PRKN: variants seen among roughly 807,000 people sequenced by gnomAD.
PRKN encodes the protein E3 ubiquitin-protein ligase parkin.
PRKN carries 56 observed loss-of-function variants against 59.5 expected under a neutral mutation model. The observed-to-expected ratio is 0.94, with a 90% CI of 0.76 to 1.18. PRKN has a LOEUF of 1.18. Among genes scored for constraint, PRKN ranks in the 50% most tolerant of loss-of-function variants. The pLI, the probability that PRKN is intolerant of heterozygous loss-of-function variation, is 0.00. For missense variants in PRKN, 657 were observed against 596.4 expected (o/e 1.10, Z -1.06); for synonymous variants, 250 against 222.1 (o/e 1.13, Z -1.12).
intron 4 of PRKN, among the ~76,000 whole-genome samples, chr6:162,194,693 T>C (rs188718956): frequency 2.6e-4 from 39 of 152,288 alleles, no homozygotes; most frequent in Non-Finnish European, 5.9e-5. Context: ...TAATCCTTTT[T>C]TATATGTTTA....
At chr6:161,507,728 T>G (rs1472890827) in intron 9 of PRKN, among the ~76,000 whole-genome samples, 1 of 152,228 alleles carries the variant, frequency 6.6e-6, no homozygotes, top group Non-Finnish European at 1.5e-5. Flanking sequence ...TCTGTCAATT[T>G]AATCCCATTT....
chr6:161,612,280 T>A (rs1170792079), intron 7 of PRKN, among the ~76,000 whole-genome samples: 2 of 152,202 alleles, frequency 1.3e-5, no homozygotes, highest in Non-Finnish European at 2.9e-5. Context: ...GAGCCTTCTA[T>A]TGGAAGAAGA....
rs1777868751 is a variant in PRKN at position 162,056,382 on chromosome 6, C to A, written c.535-2208G>T. On this transcript the variant is annotated intron_variant, in intron 4 of 11. Transcript: ENST00000366898. The surrounding 1 kb of genome is among the most constrained non-coding windows in gnomAD (Gnocchi z 4.9). ...TACTACATACACTCACACACTCATGCATGCACACACGCACTATTCTAGAGA... is the reference window on the plus strand; with the variant it reads ...TACTACATACACTCACACACTCATGAATGCACACACGCACTATTCTAGAGA... Among the ~76,000 whole-genome samples, 1 of 151,942 alleles carries A rather than the reference C, an allele frequency of 6.6e-6. No homozygotes were observed. Among genetic ancestry groups the A allele is most frequent in the East Asian group, 1.9e-4 (1 of 5,180 alleles).
At chr6:162,052,591 C>T (rs576498769) in intron 5 of PRKN, among the ~76,000 whole-genome samples, 129 of 152,272 alleles carry the variant, frequency 8.5e-4, no homozygotes, top group African/African-American at 3.0e-3. Flanking sequence ...ACTCTCAGCC[C>T]AGTACCCAGG....
At chr6:161,742,044 G>A (rs113514025) in intron 7 of PRKN, among the ~76,000 whole-genome samples, 1,648 of 151,972 alleles carry the variant, frequency 0.011, 26 homozygotes, top group African/African-American at 0.038. Context: ...ATCTTGGCAC[G>A]CTGCAACCTC....
intron 7 of PRKN, among the ~76,000 whole-genome samples, chr6:161,741,429 G>T (rs1788179343): frequency 6.6e-6 from 1 of 152,206 alleles, no homozygotes; most frequent in South Asian, 2.1e-4. Flanking sequence ...GAAGGTGGCT[G>T]CCTTGTACCG....
rs188648853 is a variant in PRKN, at chr6:162,194,114, T to C, written c.534+7017A>G. 2.3e-3 allele frequency among the ~76,000 whole-genome samples: 350 copies of C among 152,306 alleles called. 2 individuals carry two copies. The highest frequency in any genetic ancestry group is 7.7e-3 in the African/African-American group (322 of 41,568). On this transcript the variant is annotated intron_variant, in intron 4 of 11. Coordinates refer to ENST00000366898, the MANE Select transcript of PRKN (RefSeq NM_004562.3). ...TCGGTATAAGCCAAGAGTTCCCATA[T>C]GGAATTTTGAAGTTTAGGTTATATT...
chr6:161,819,322 C>A (rs1034339315), intron 6 of PRKN, among the ~76,000 whole-genome samples: 6 of 152,122 alleles, frequency 3.9e-5, no homozygotes, highest in African/African-American at 1.4e-4. Context: ...GAAACCCTAT[C>A]TCTACTAAAA....
intron 9 of PRKN, among the ~76,000 whole-genome samples, chr6:161,539,827 T>C (rs1359809376): frequency 6.6e-6 from 1 of 152,190 alleles, no homozygotes; most frequent in Non-Finnish European, 1.5e-5. Flanking sequence ...GGATCCCCTT[T>C]TCATGCTGTC....
At chr6:161,927,854 G>A (rs1434782696) in intron 6 of PRKN, among the ~76,000 whole-genome samples, 1 of 151,946 alleles carries the variant, frequency 6.6e-6, no homozygotes, top group Non-Finnish European at 1.5e-5. Context: ...AAGAACTTTA[G>A]ATAAAGTTAC....
At chr6:162,124,056 A>G (rs1286747431) in intron 4 of PRKN, among the ~76,000 whole-genome samples, 1 of 152,130 alleles carries the variant, frequency 6.6e-6, no homozygotes, top group Non-Finnish European at 1.5e-5. Flanking sequence ...TCCCAGAAGC[A>G]GCACTTAGTC....
chr6:161,611,932 G>A (rs1291691277), intron 7 of PRKN, among the ~76,000 whole-genome samples: 1 of 152,150 alleles, frequency 6.6e-6, no homozygotes, highest in Non-Finnish European at 1.5e-5. Context: ...TGATAAGAAA[G>A]CAAACAGCCT....
intron 5 of PRKN, among the ~76,000 whole-genome samples, chr6:161,975,085 CTTTTTTTTTTT>C (rs769121865): frequency 3.2e-5 from 4 of 124,476 alleles, no homozygotes; most frequent in African/African-American, 1.2e-4. Context: ...ACATATACTT[CTTTTTTTTTTT>C]TTTTTTTTTT....
chr6:161,566,050 G>C lies in PRKN; in HGVS notation c.933+3305C>G, dbSNP rs1241476473. ...ACTGAATCATTACCATCAGTACATA[G>C]ACATGCTGCAATTTTTCCCATTAAG... On this transcript the variant is annotated intron_variant, in intron 8 of 11. Coordinates refer to ENST00000366898, the MANE Select transcript of PRKN (RefSeq NM_004562.3). This position sits in a 1 kb window ranked among gnomAD's most constrained non-coding sequence, Gnocchi z 4.1. 6.6e-6 allele frequency among the ~76,000 whole-genome samples: 1 copy of C among 152,148 alleles called. No homozygotes were observed. The highest frequency in any genetic ancestry group is 6.5e-5 in the Admixed American group (1 of 15,280).
chr6:162,620,765 G>C (rs1782631671), intron 1 of PRKN, among the ~76,000 whole-genome samples: 1 of 151,770 alleles, frequency 6.6e-6, no homozygotes, highest in East Asian at 1.9e-4. Flanking sequence ...TGTTGTTCAG[G>C]CTGGCCTCCA....
chr6:162,690,178 G>A (rs549890953), intron 1 of PRKN, among the ~76,000 whole-genome samples: 54 of 151,762 alleles, frequency 3.6e-4, no homozygotes, highest in Admixed American at 9.8e-4. Context: ...GAGTAACCTC[G>A]CTTTAGCTAA....
At chr6:162,431,983 AT>A (rs762838184) in intron 2 of PRKN, among the ~76,000 whole-genome samples, 1 of 152,166 alleles carries the variant, frequency 6.6e-6, no homozygotes, top group Non-Finnish European at 1.5e-5. Flanking sequence ...CATTAGAAGA[AT>A]TTCCCCCCTT....
chr6:162,424,499 G>C (rs984217539), intron 2 of PRKN, among the ~76,000 whole-genome samples: 1 of 152,090 alleles, frequency 6.6e-6, no homozygotes, highest in Non-Finnish European at 1.5e-5. Flanking sequence ...ACTTTGGGAG[G>C]CCGAGGCAGG....
At chr6:162,671,371 C>T (rs984875040) in intron 1 of PRKN, among the ~76,000 whole-genome samples, 6 of 151,676 alleles carry the variant, frequency 4.0e-5, no homozygotes, top group East Asian at 3.9e-4. Context: ...TGGTGGCGCG[C>T]GCCTGTAGTC....
Sources: allele counts gnomAD v4.1 joint callset (sites outside exome capture counted in the v4.1 genomes callset), GRCh38; gene constraint gnomAD v4.1.1; non-coding constraint Gnocchi (gnomAD v3.1); transcripts MANE v1.5; gene names NCBI Gene and HGNC (gene_info 2026-07-23, HGNC 2026-07-21).